The following DTL variants were observed in gnomAD, a reference collection of about 807,000 sequenced individuals.
DTL encodes the protein denticleless E3 ubiquitin protein ligase adapter, also known as denticleless protein homolog.
A neutral mutation model predicts 87.0 loss-of-function variants in DTL; 46 were observed. The observed-to-expected ratio is 0.53, with a 90% CI of 0.42 to 0.68. The LOEUF (loss-of-function observed/expected upper bound fraction) is 0.68, where lower values mean the gene tolerates loss of function less well. Among genes scored for constraint, DTL ranks in the 30% least tolerant of loss-of-function variants. The pLI, the probability that DTL is intolerant of heterozygous loss-of-function variation, is 0.00. For synonymous variants in DTL, 308 were observed against 311.2 expected, an observed-to-expected ratio of 0.99 and a Z score of 0.11; for missense variants, 737 against 869.4, an observed-to-expected ratio of 0.85 and a Z score of 1.91.
intron 13 of DTL, among the ~76,000 whole-genome samples, chr1:212,088,802 G>C (rs1431344192): frequency 6.6e-6 from 1 of 152,158 alleles, no homozygotes; most frequent in African/African-American, 2.4e-5. Context: ...ATAGAAAGAA[G>C]CTGGCTGGGC....
chr1:212,058,157 A>T (rs192643666), intron 5 of DTL, among the ~76,000 whole-genome samples: 5 of 152,316 alleles, frequency 3.3e-5, no homozygotes, highest in Admixed American at 6.5e-5. Context: ...CGTTAGACAG[A>T]TATCTAGAAA....
At chr1:212,052,870 C>A (rs1272613088) in intron 5 of DTL, among the ~76,000 whole-genome samples, 1 of 151,934 alleles carries the variant, frequency 6.6e-6, no homozygotes, top group African/African-American at 2.4e-5. Flanking sequence ...ATTTAAAGTA[C>A]ACGGTTTAGT....
At chr1:212,070,565 CT>C (rs1558082054) in intron 10 of DTL, among the ~76,000 whole-genome samples, 70 of 151,714 alleles carry the variant, frequency 4.6e-4, no homozygotes, top group African/African-American at 1.3e-3. Flanking sequence ...GAGCCATGAT[CT>C]TGCCACTGCA....
chr1:212,100,184 T>C, intron 13 of DTL, 68 bp from the exon 14 acceptor site: 2 of 1,259,590 alleles, frequency 1.6e-6, no homozygotes, highest in South Asian at 3.0e-5. Flanking sequence ...ATGATTTTTC[T>C]TGATGAGAAT....
At chr1:212,073,541 A>G (rs1173459058) in intron 11 of DTL, among the ~76,000 whole-genome samples, 1 of 152,192 alleles carries the variant, frequency 6.6e-6, no homozygotes, top group African/African-American at 2.4e-5. Context: ...TATGAAGCAT[A>G]ATTCTTCAGC....
intron 13 of DTL, among the ~76,000 whole-genome samples, chr1:212,082,197 G>A (rs1655008070): frequency 6.6e-6 from 1 of 152,132 alleles, no homozygotes; most frequent in Admixed American, 6.5e-5. Flanking sequence ...ATAAGGTGAG[G>A]CCTAAAAACT....
chr1:212,063,446 G>A (rs534947365), intron 6 of DTL, among the ~76,000 whole-genome samples: 1 of 151,726 alleles, frequency 6.6e-6, no homozygotes, highest in Non-Finnish European at 1.5e-5. Context: ...CCGCCACCAT[G>A]CCTGGCTAAT....
intron 10 of DTL, among the ~76,000 whole-genome samples, chr1:212,071,724 A>G (rs899783448): frequency 6.6e-6 from 1 of 152,206 alleles, no homozygotes; most frequent in African/African-American, 2.4e-5. Flanking sequence ...AATTAGATGA[A>G]TATATTATGC....
chr1:212,089,812 T>C (rs1017345696), intron 13 of DTL, among the ~76,000 whole-genome samples: 2 of 152,210 alleles, frequency 1.3e-5, no homozygotes, highest in African/African-American at 4.8e-5. Context: ...GTGTGTGCCA[T>C]GCAAGTTTCA....
At chr1:212,069,913 C>T (rs561028338) in intron 10 of DTL, among the ~76,000 whole-genome samples, 20 of 152,242 alleles carry the variant, frequency 1.3e-4, no homozygotes, top group African/African-American at 4.8e-4. Flanking sequence ...CTTATTAGGA[C>T]TTTAGTATCG....
chr1:212,048,442 C>G (rs913462117), intron 5 of DTL, among the ~76,000 whole-genome samples: 19 of 152,314 alleles, frequency 1.2e-4, no homozygotes, highest in African/African-American at 4.6e-4. Flanking sequence ...CCACCTGCCT[C>G]GGCCTCCTAA....
chr1:212,041,712 G>A (rs1667650746), intron 1 of DTL, among the ~76,000 whole-genome samples: 2 of 152,046 alleles, frequency 1.3e-5, no homozygotes, highest in East Asian at 1.9e-4. Context: ...GGGTTTCACC[G>A]TGTTAGCCAG....
chr1:212,069,829 C>G (rs1209062561), intron 10 of DTL, among the ~76,000 whole-genome samples: 1 of 152,152 alleles, frequency 6.6e-6, no homozygotes, highest in African/African-American at 2.4e-5. Context: ...CAGGCGTGAG[C>G]CACCATGCCC....
rs201855890 is a variant in DTL at position 212,102,818 on chromosome 1, G to A, written c.2095-24G>A. The stretch of plus-strand genomic sequence containing the variant: ...ACAGTTGAACTTCAAGGAAATCTCT[G>A]AAATCTAAACTTTCTTCTTCTAGGT... On this transcript the variant is annotated intron_variant, in intron 14 of 14. Transcript: ENST00000366991. 4.5e-4 allele frequency: 695 copies of A among 1,530,092 alleles called. 1 individual carries two copies. The highest frequency in any genetic ancestry group is 5.8e-4 in the Admixed American group (34 of 58,434). The allele number at this position is 1,530,092 out of a possible 1,614,324, so 94.8% of individuals were successfully genotyped here. A position where few individuals can be genotyped will look rare whatever the true frequency, so the allele number is the denominator to read the frequency against.
intron 11 of DTL, among the ~76,000 whole-genome samples, chr1:212,075,321 AAAGTC>A (rs2102561130): frequency 6.6e-6 from 1 of 152,300 alleles, no homozygotes; most frequent in South Asian, 2.1e-4. Context: ...GCCTTGAATT[AAAGTC>A]TTTATTTTAC....
chr1:212,072,436 A>G (rs554559180), intron 11 of DTL, among the ~76,000 whole-genome samples: 1 of 152,342 alleles, frequency 6.6e-6, no homozygotes, highest in East Asian at 1.9e-4. Flanking sequence ...GACAATTTGT[A>G]TCCTCTGTTT....
intron 1 of DTL, among the ~76,000 whole-genome samples, chr1:212,036,584 AT>A (rs1667471652): frequency 6.6e-6 from 1 of 152,228 alleles, no homozygotes; most frequent in South Asian, 2.1e-4. Flanking sequence ...AATACCTATT[AT>A]TTTCAGAAAT....
At chr1:212,044,618 A>AATT in intron 2 of DTL, 42 bp from the exon 3 acceptor site, 3 of 1,265,728 alleles carry the variant, frequency 2.4e-6, no homozygotes, top group South Asian at 1.3e-5. Flanking sequence ...AAAAAAAAAA[A>AATT]TTGTGTTACT....
chr1:212,044,613 A>C, intron 2 of DTL, 47 bp from the exon 3 acceptor site: 1 of 1,296,948 alleles, frequency 7.7e-7, no homozygotes. Flanking sequence ...AAAAAAAAAA[A>C]AAAAATTGTG....
Sources: gnomAD v4.1 joint callset for allele counts (sites outside exome capture counted in the v4.1 genomes callset) on GRCh38, gnomAD v4.1.1 for gene constraint, MANE v1.5 for transcripts, NCBI Gene and HGNC (gene_info 2026-07-23, HGNC 2026-07-21) for gene names.